Variants in ZNF569 observed in about 807,000 individuals in gnomAD.
The protein encoded by ZNF569 is DNA-binding protein.
Under a neutral mutation model 56.3 loss-of-function variants are expected in ZNF569, and 38 were observed. That is an observed-to-expected ratio of 0.68 (90% CI 0.52 to 0.88). The LOEUF is 0.88. Ranked by LOEUF, ZNF569 falls within the 40% of genes least tolerant of loss-of-function variation. The pLI is 0.00. For synonymous variants in ZNF569, 241 were observed against 262.9 expected (o/e 0.92, Z 0.81); for missense variants, 666 against 809.2 (o/e 0.82, Z 2.15).
Position 37,443,772 on chromosome 19 carries a change from C to T in ZNF569, c.15+1135G>A, listed in dbSNP as rs901681227. Among the ~76,000 whole-genome samples the T allele has an allele frequency of 5.3e-5, 8 of 150,746 alleles. No individual in the cohort carries two copies. In the East Asian group the frequency reaches 1.6e-3, roughly 29 times the overall value. On this transcript the variant is annotated intron_variant, in intron 3 of 5. Transcript: ENST00000316950. ...CTATAATCCCAGCACTGTGGGAGGTCAAGGCAGGTGGATCACTTGAGGTCA... is the reference window on the plus strand; with the variant it reads ...CTATAATCCCAGCACTGTGGGAGGTTAAGGCAGGTGGATCACTTGAGGTCA...
chr19:37,463,825 T>C (rs2041791241), intron 2 of ZNF569, among the ~76,000 whole-genome samples: 1 of 152,188 alleles, frequency 6.6e-6, no homozygotes, highest in Non-Finnish European at 1.5e-5. Flanking sequence ...CCTAGGCTAA[T>C]ATGTTTGTGT....
chr19:37,462,829 T>G (rs2041776265), intron 2 of ZNF569, among the ~76,000 whole-genome samples: 1 of 152,242 alleles, frequency 6.6e-6, no homozygotes, highest in Non-Finnish European at 1.5e-5. Flanking sequence ...ACCATTTATA[T>G]GCTGATAATT....
intron 2 of ZNF569, among the ~76,000 whole-genome samples, chr19:37,446,819 C>A (rs961846756): frequency 1.3e-5 from 2 of 151,984 alleles, no homozygotes; most frequent in African/African-American, 4.8e-5. Context: ...GCAAAGTAAA[C>A]AACCCACAGA....
intron 3 of ZNF569, 51 bp downstream of exon 3, chr19:37,444,856 A>C (rs1189564461): frequency 7.0e-7 from 1 of 1,423,342 alleles, no homozygotes. Context: ...CAATCCCCTT[A>C]AATTGCATTG....
chr19:37,456,376 C>T (rs765985222), intron 2 of ZNF569, among the ~76,000 whole-genome samples: 2 of 152,222 alleles, frequency 1.3e-5, no homozygotes, highest in Non-Finnish European at 2.9e-5. Flanking sequence ...CTTTCTCTTA[C>T]GTATAATTCC....
chr19:37,424,935 A>G (rs1246676921), intron 5 of ZNF569, among the ~76,000 whole-genome samples: 1 of 151,832 alleles, frequency 6.6e-6, no homozygotes, highest in Non-Finnish European at 1.5e-5. Flanking sequence ...CCTGGCTAAC[A>G]TGGTGAAACC....
chr19:37,455,441 T>C (rs1171524703), intron 2 of ZNF569, among the ~76,000 whole-genome samples: 2 of 152,234 alleles, frequency 1.3e-5, no homozygotes, highest in African/African-American at 4.8e-5. Flanking sequence ...TGGACTATCA[T>C]GCATGATTCC....
chr19:37,446,499 A>T lies in ZNF569; in HGVS notation c.-43-1535T>A, dbSNP rs1011796671. ...TGAGAGGCGGAGGTTGCAGTGAACCAATATCACACCACTGCACTCCAGCCT... is the reference window on the plus strand; with the variant it reads ...TGAGAGGCGGAGGTTGCAGTGAACCTATATCACACCACTGCACTCCAGCCT... On this transcript the variant is annotated intron_variant, in intron 2 of 5. Transcript: ENST00000316950. Among the ~76,000 whole-genome samples the T allele has an allele frequency of 3.3e-5, 5 of 150,502 alleles. No individual in the cohort carries two copies. In the Admixed American group the frequency reaches 3.3e-4, roughly 10 times the overall value.
At chr19:37,461,247 G>A (rs993813639) in intron 2 of ZNF569, among the ~76,000 whole-genome samples, 5 of 150,866 alleles carry the variant, frequency 3.3e-5, no homozygotes, top group African/African-American at 1.2e-4. Flanking sequence ...AATCATCCAT[G>A]TTTTCTAAAA....
upstream of ZNF569, chr19:37,469,233 C>G: frequency 3.7e-6 from 5 of 1,362,586 alleles, no homozygotes; most frequent in Non-Finnish European, 4.7e-6. Flanking sequence ...CGGAGCTGCA[C>G]CGCTGCTGCC....
upstream of ZNF569, chr19:37,467,990 G>C (rs1354903592): frequency 2.0e-6 from 3 of 1,498,076 alleles, no homozygotes; most frequent in Admixed American, 5.9e-5. Flanking sequence ...AGTGTGGCCA[G>C]ACCGCCTGAC....
At chr19:37,462,208 C>T (rs1369731896) in intron 2 of ZNF569, among the ~76,000 whole-genome samples, 1 of 152,138 alleles carries the variant, frequency 6.6e-6, no homozygotes, top group Non-Finnish European at 1.5e-5. Context: ...ACTTCTCCCT[C>T]TCTCCTGTTA....
At chr19:37,465,569 A>G (rs1415238858) in intron 1 of ZNF569, 96 bp from the exon 2 acceptor site, 1 of 152,206 alleles carries the variant, frequency 6.6e-6, no homozygotes, top group Non-Finnish European at 1.5e-5. Flanking sequence ...TAATGAAACA[A>G]TTGTTTTAGA....
intron 3 of ZNF569, among the ~76,000 whole-genome samples, chr19:37,437,248 T>C (rs2041325098): frequency 1.3e-5 from 2 of 152,158 alleles, no homozygotes; most frequent in Non-Finnish European, 2.9e-5. Context: ...TCATTTCAAC[T>C]GGTGCTGAAA....
In ZNF569 at chr19:37,412,917, T is replaced by C; in HGVS notation, c.1741A>G (p.Asn581Asp). ...TGAGAGAAGGCTTTCCCACATTCAT[T>C]ACATACATAGGGCTTCTCACCTGTG... ...SHTGEKPYVC[N>D]ECGKAFSQRT... The change falls in exon 6 of 6, where the codon AAT becomes GAT. Residue 581 changes from asparagine (N) to aspartate (D), a missense_variant. By Grantham distance (23) the Asn-to-Asp change is conservative. Transcript: ENST00000316950. The C allele has an allele frequency of 1.2e-6, 2 of 1,614,054 alleles. No individual in the cohort carries two copies. Among genetic ancestry groups the C allele is most frequent in the Non-Finnish European group, 1.7e-6 (2 of 1,179,950 alleles).
At chr19:37,437,484 A>G (rs1366900434) in intron 3 of ZNF569, among the ~76,000 whole-genome samples, 1 of 152,164 alleles carries the variant, frequency 6.6e-6, no homozygotes, top group African/African-American at 2.4e-5. Context: ...CTAGCAAGAG[A>G]AATCAGATAA....
chr19:37,428,543 AAAG>A (rs1478639427), intron 3 of ZNF569, among the ~76,000 whole-genome samples: 3 of 151,774 alleles, frequency 2.0e-5, no homozygotes, highest in Non-Finnish European at 4.4e-5. Flanking sequence ...AAAAAAAAAA[AAAG>A]CTGATAGTTT....
chr19:37,468,957 A>T, upstream of ZNF569: 1 of 751,154 alleles, frequency 1.3e-6, no homozygotes, highest in Non-Finnish European at 1.6e-6. Context: ...TAGACGCGCC[A>T]CTAGCGCGTT....
At chr19:37,423,694 A>G (rs1375811437) in intron 5 of ZNF569, among the ~76,000 whole-genome samples, 1 of 152,236 alleles carries the variant, frequency 6.6e-6, no homozygotes, top group African/African-American at 2.4e-5. Context: ...TTAAGAGTTC[A>G]TACAAATTAA....
Sources: gnomAD v4.1 joint callset for allele counts (sites outside exome capture counted in the v4.1 genomes callset) on GRCh38, gnomAD v4.1.1 for gene constraint, MANE v1.5 for transcripts, NCBI Gene and HGNC (gene_info 2026-07-23, HGNC 2026-07-21) for gene names.